The following LYN variants were observed in gnomAD, a reference collection of about 807,000 sequenced individuals.
LYN encodes tyrosine-protein kinase Lyn.
Under a neutral mutation model 65.0 loss-of-function variants are expected in LYN, and 12 were observed. That is an observed-to-expected ratio of 0.18 (90% CI 0.12 to 0.30). The LOEUF (loss-of-function observed/expected upper bound fraction) is 0.30. Among genes scored for constraint, LYN ranks in the 10% least tolerant of loss-of-function variants. LYN has a pLI of 1.00. For missense variants in LYN, 380 were observed against 623.2 expected (o/e 0.61, Z 4.16); for synonymous variants, 222 against 221.2 (o/e 1.00, Z -0.03).
At position 55,912,927 on chromosome 8, in the gene LYN, T is replaced by G. The variant is rs935336334; in HGVS notation, c.-5-28928T>G. ...TCCCCTTTACTTTACTTTTATATAG[T>G]AATGAAATTTCATAATTAAATCTAT... is the stretch of plus-strand genomic sequence containing the variant. On this transcript the variant is annotated intron_variant, in intron 1 of 12. Coordinates refer to ENST00000519728, the MANE Select transcript of LYN (RefSeq NM_002350.4). Among the ~76,000 whole-genome samples the G allele has an allele frequency of 2.6e-5, 4 of 152,282 alleles. No individual in the cohort carries two copies. The East Asian group carries it at 5.8e-4, about 22-fold the overall frequency.
At chr8:55,948,441 G>A (rs1806847610) in intron 4 of LYN, among the ~76,000 whole-genome samples, 1 of 152,196 alleles carries the variant, frequency 6.6e-6, no homozygotes, top group African/African-American at 2.4e-5. Context: ...CAGCAGCTGT[G>A]TTGGGAAATT....
chr8:55,952,834 A>C (rs753149764), intron 7 of LYN, among the ~76,000 whole-genome samples: 1 of 152,198 alleles, frequency 6.6e-6, no homozygotes, highest in Admixed American at 6.5e-5. Flanking sequence ...AGTCAAACGG[A>C]TATAACACTA....
At chr8:55,889,127 C>T (rs1013392861) in intron 1 of LYN, among the ~76,000 whole-genome samples, 2 of 152,166 alleles carry the variant, frequency 1.3e-5, no homozygotes, top group African/African-American at 2.4e-5. Flanking sequence ...AAGCCATCCT[C>T]TCACCTCAGT....
intron 1 of LYN, among the ~76,000 whole-genome samples, chr8:55,881,863 C>A (rs539050626): frequency 7.9e-5 from 12 of 152,292 alleles, no homozygotes; most frequent in African/African-American, 2.4e-4. Flanking sequence ...AAAATGATAG[C>A]CCCAGTGCCT....
chr8:56,002,091 GC>G (rs1338046289), intron 12 of LYN, among the ~76,000 whole-genome samples: 1 of 152,118 alleles, frequency 6.6e-6, no homozygotes, highest in African/African-American at 2.4e-5. Context: ...GACCAGCCTG[GC>G]CAACATGGCA....
rs185266412 is a variant in LYN, at chr8:55,935,100, G to A, written c.-5-6755G>A. 7.5e-4 allele frequency among the ~76,000 whole-genome samples: 114 copies of A among 152,228 alleles called. 1 individual carries two copies. Among genetic ancestry groups the A allele is most frequent in the Admixed American group, 2.4e-3 (37 of 15,284 alleles). Reference sequence around the variant, plus strand: ...CATGGAGGCAGCTCTGTGATCTGAGGGATTCCCGGCACCGAAACAGCATTG... The same window carrying A: ...CATGGAGGCAGCTCTGTGATCTGAGAGATTCCCGGCACCGAAACAGCATTG... On this transcript the variant is annotated intron_variant, in intron 1 of 12. Transcript: ENST00000519728.
rs773970021 is a variant in LYN, at chr8:55,950,693, G to A, written c.396G>A (p.Lys132=). The A allele has an allele frequency of 6.2e-7, 1 of 1,613,352 alleles. No homozygotes were observed. The highest frequency in any genetic ancestry group is 1.1e-5 in the South Asian group (1 of 91,064). Residue 132 remains lysine (K), a synonymous_variant, in exon 6 of 13, where the codon AAG becomes AAA. Coordinates refer to ENST00000519728, the MANE Select transcript of LYN (RefSeq NM_002350.4). ...AATGTCTTCACAGGTGGTTTTTCAA[G>A]GATATAACCAGGAAGGACGCAGAAA... ...NTLETEEWFF[K]DITRKDAERQ... is the part of the protein sequence containing the mutation.
At chr8:55,971,004 C>T (rs954550712) in intron 10 of LYN, among the ~76,000 whole-genome samples, 2 of 152,186 alleles carry the variant, frequency 1.3e-5, no homozygotes, top group Non-Finnish European at 2.9e-5. Flanking sequence ...CTGGGAAAAC[C>T]CAAGGGAGGG....
intron 1 of LYN, among the ~76,000 whole-genome samples, chr8:55,905,405 G>A (rs571327545): frequency 1.1e-3 from 45 of 39,368 alleles, no homozygotes; most frequent in African/African-American, 5.3e-3. Context: ...GTGAAACTCC[G>A]TCTCAAAAAA....
intron 12 of LYN, among the ~76,000 whole-genome samples, chr8:56,004,631 G>A (rs538719050): frequency 1.3e-5 from 2 of 152,102 alleles, no homozygotes; most frequent in South Asian, 2.1e-4. Flanking sequence ...CCATGCCTGC[G>A]GGTGCTCCTC....
At chr8:55,920,408 A>T (rs1262893590) in intron 1 of LYN, among the ~76,000 whole-genome samples, 4 of 152,182 alleles carry the variant, frequency 2.6e-5, no homozygotes, top group Non-Finnish European at 5.9e-5. Context: ...ATGTCACTAT[A>T]ACCTGGCTTT....
chr8:55,958,890 G>C (rs1398756158), intron 8 of LYN, among the ~76,000 whole-genome samples: 1 of 152,006 alleles, frequency 6.6e-6, no homozygotes, highest in Non-Finnish European at 1.5e-5. Context: ...TCTACCTTTT[G>C]GCTATTGTGA....
At chr8:55,954,216 AGT>A (rs1807037144) in intron 8 of LYN, among the ~76,000 whole-genome samples, 2 of 152,190 alleles carry the variant, frequency 1.3e-5, no homozygotes, top group Middle Eastern at 3.4e-3. Flanking sequence ...TAAGGAGGGG[AGT>A]AATGGGTATT....
chr8:55,967,585 G>A (rs949543830), intron 9 of LYN, among the ~76,000 whole-genome samples: 8 of 152,108 alleles, frequency 5.3e-5, no homozygotes, highest in Non-Finnish European at 1.2e-4. Context: ...GAAAGTGCTA[G>A]GATTACAGGC....
At chr8:55,884,318 T>C (rs560473845) in intron 1 of LYN, among the ~76,000 whole-genome samples, 1 of 152,338 alleles carries the variant, frequency 6.6e-6, no homozygotes, top group South Asian at 2.1e-4. Flanking sequence ...TTGGCCAGGC[T>C]GGTCTTGAAC....
chr8:55,924,453 C>T (rs529725061), intron 1 of LYN, among the ~76,000 whole-genome samples: 4 of 151,938 alleles, frequency 2.6e-5, no homozygotes, highest in Admixed American at 6.6e-5. Context: ...ACCTCCATCT[C>T]CTGGGTTCAA....
At chr8:56,003,250 A>G (rs1808577988) in intron 12 of LYN, among the ~76,000 whole-genome samples, 1 of 151,250 alleles carries the variant, frequency 6.6e-6, no homozygotes, top group Non-Finnish European at 1.5e-5. Context: ...TTTACTAGAG[A>G]CAGGGTTTTG....
chr8:55,941,741 A>G (rs1049688007), intron 1 of LYN, 114 bp from the exon 2 acceptor site: 1 of 692,220 alleles, frequency 1.4e-6, no homozygotes, highest in Non-Finnish European at 2.4e-6. Flanking sequence ...ATTAATCTAT[A>G]TATGATAAAG....
rs1563504982 is a variant in LYN at position 55,909,048 on chromosome 8, CA to C, written c.-6+28946del. ...ACACACACACACACACACACACACA[CA>C]CACCCCACATTTTCTTTACTTTTAT... On this transcript the variant is annotated intron_variant, in intron 1 of 12. Transcript: ENST00000519728. 6.3e-4 allele frequency among the ~76,000 whole-genome samples: 39 copies of C among 62,038 alleles called. 3 individuals carry two copies. The highest frequency in any genetic ancestry group is 9.3e-4 in the Admixed American group (6 of 6,470). The allele number at this position is 62,038 out of a possible 152,430, so 40.7% of individuals were successfully genotyped here. A position where few individuals can be genotyped will look rare whatever the true frequency, so the allele number is the denominator to read the frequency against.
Sources: gnomAD v4.1 joint callset for allele counts (sites outside exome capture counted in the v4.1 genomes callset) on GRCh38, gnomAD v4.1.1 for gene constraint, MANE v1.5 for transcripts, NCBI Gene and HGNC (gene_info 2026-07-23, HGNC 2026-07-21) for gene names.